The following KCNQ5 variants were observed in gnomAD, a reference collection of about 807,000 sequenced individuals.
The protein encoded by KCNQ5 is potassium voltage-gated channel subfamily Q member 5.
In KCNQ5, 30 loss-of-function variants were observed where a neutral mutation model predicts 98.2. That is an observed-to-expected ratio of 0.31 (90% CI 0.23 to 0.41). The LOEUF (loss-of-function observed/expected upper bound fraction) is 0.41, where lower values mean the gene tolerates loss of function less well. Ranked by LOEUF, KCNQ5 falls within the 10% of genes least tolerant of loss-of-function variation. KCNQ5 has a pLI of 1.00. For synonymous variants in KCNQ5, 458 were observed against 449.4 expected, an observed-to-expected ratio of 1.02 and a Z score of -0.24; for missense variants, 835 against 1,182.5, an observed-to-expected ratio of 0.71 and a Z score of 4.31.
At chr6:73,074,661 C>T (rs184833684) in intron 3 of KCNQ5, among the ~76,000 whole-genome samples, 1 of 151,462 alleles carries the variant, frequency 6.6e-6, no homozygotes, top group East Asian at 1.9e-4. Flanking sequence ...ACAATATATG[C>T]TTTTTCTGCC....
chr6:72,936,381 A>G (rs1372205232), intron 1 of KCNQ5, among the ~76,000 whole-genome samples: 1 of 152,190 alleles, frequency 6.6e-6, no homozygotes, highest in East Asian at 1.9e-4. Context: ...AGCTCATCTG[A>G]CTTATTCTGG....
rs16882882 is a variant in KCNQ5, at chr6:72,782,829, C to T, written c.398+160242C>T. 2.5e-3 allele frequency among the ~76,000 whole-genome samples: 380 copies of T among 152,220 alleles called. 14 individuals carry two copies. The East Asian group carries it at 0.068, about 27-fold the overall frequency. On this transcript the variant is annotated intron_variant, in intron 1 of 13. Coordinates refer to ENST00000370398, the MANE Select transcript of KCNQ5 (RefSeq NM_019842.4). Reference sequence around the variant, plus strand: ...TCTAGACTCGTAGGCTCTTACGTGCCTTATCACTGCATTATCTACAGAGCC... The same window carrying T: ...TCTAGACTCGTAGGCTCTTACGTGCTTTATCACTGCATTATCTACAGAGCC...
chr6:72,728,092 G>A (rs567225288), intron 1 of KCNQ5, among the ~76,000 whole-genome samples: 1 of 152,234 alleles, frequency 6.6e-6, no homozygotes, highest in East Asian at 1.9e-4. Context: ...TAACAGTGAG[G>A]AAGGAAAATA....
rs553371710 is a variant in KCNQ5 at position 72,875,109 on chromosome 6, T to C, written c.399-128799T>C. On this transcript the variant is annotated intron_variant, in intron 1 of 13. Transcript: ENST00000370398. ...CAGCCTGAAGGCATTTAAAACCTTG[T>C]TTTATGCATAAAGTGATGATTAAAG... Among the ~76,000 whole-genome samples, 7 of 152,290 alleles carry C rather than the reference T, an allele frequency of 4.6e-5. No homozygotes were observed. The East Asian group carries it at 1.4e-3, about 29-fold the overall frequency.
chr6:72,970,250 C>T (rs987438156), intron 1 of KCNQ5, among the ~76,000 whole-genome samples: 1 of 151,764 alleles, frequency 6.6e-6, no homozygotes, highest in African/African-American at 2.4e-5. Context: ...CAGAGCAAGA[C>T]CCCATCTCTA....
At chr6:72,855,672 C>T (rs186923172) in intron 1 of KCNQ5, among the ~76,000 whole-genome samples, 201 of 152,234 alleles carry the variant, frequency 1.3e-3, no homozygotes, top group African/African-American at 4.5e-3. Context: ...GGAGAAAGCA[C>T]TATTATGGAA....
At chr6:72,875,421 T>C (rs1333996354) in intron 1 of KCNQ5, among the ~76,000 whole-genome samples, 3 of 152,346 alleles carry the variant, frequency 2.0e-5, no homozygotes, top group Admixed American at 1.3e-4. Context: ...CAGACTCTAA[T>C]TGTTTATTTC....
chr6:72,811,500 G>A (rs1396272030), intron 1 of KCNQ5, among the ~76,000 whole-genome samples: 2 of 152,034 alleles, frequency 1.3e-5, no homozygotes, highest in African/African-American at 2.4e-5. Flanking sequence ...ATATACGCAA[G>A]CATCTCTTTC....
chr6:73,167,789 GC>G (rs1264895297), intron 10 of KCNQ5, among the ~76,000 whole-genome samples: 3 of 152,194 alleles, frequency 2.0e-5, no homozygotes, highest in Admixed American at 2.0e-4. Flanking sequence ...AGAGACAAAT[GC>G]TATGTCCTCA....
intron 3 of KCNQ5, among the ~76,000 whole-genome samples, chr6:73,064,011 G>A (rs561494737): frequency 5.3e-5 from 8 of 152,206 alleles, no homozygotes; most frequent in Admixed American, 3.9e-4. Context: ...AGAGCCAGGT[G>A]AACCAGGTAA....
rs1776330794 is a variant in KCNQ5 at position 73,133,594 on chromosome 6, G to A, written c.1421G>A (p.Arg474Gln). ...AGCTTCAACGACCGAACCCGCTTCC[G>A]GCCCTCGCTGCGCCTCAAAAGTTCT... ...SWSFNDRTRF[R>Q]PSLRLKSSQP... The change falls in exon 10 of 14, where the codon CGG becomes CAG. Residue 474 changes from arginine (R) to glutamine (Q), a missense_variant. Arg to Gln is a conservative substitution (Grantham distance 43). Coordinates refer to ENST00000370398, the MANE Select transcript of KCNQ5 (RefSeq NM_019842.4). 3.1e-6 allele frequency: 5 copies of A among 1,614,060 alleles called. No homozygotes were observed. The highest frequency in any genetic ancestry group is 1.7e-5 in the Admixed American group (1 of 60,002).
Position 73,077,344 on chromosome 6 carries a change from A to G in KCNQ5, c.639A>G (p.Ser213=). The change falls in exon 4 of 14, where the codon TCA becomes TCG. Residue 213 remains serine, a synonymous_variant. Coordinates refer to ENST00000370398, the MANE Select transcript of KCNQ5 (RefSeq NM_019842.4). The part of the protein sequence containing the change: ...CVIDTIVLIA[S]IAVVSAKTQG... ...CAGATACCATTGTTCTTATCGCTTC[A>G]ATAGCAGTTGTTTCTGCAAAAACTC... 6.2e-7 allele frequency: 1 copy of G among 1,614,144 alleles called. No homozygotes were observed. The highest frequency in any genetic ancestry group is 8.5e-7 in the Non-Finnish European group (1 of 1,179,992).
intron 1 of KCNQ5, among the ~76,000 whole-genome samples, chr6:72,852,120 A>G (rs1298497835): frequency 6.6e-6 from 1 of 152,162 alleles, no homozygotes. Flanking sequence ...CTCTTTAGCA[A>G]TATTAAAGAG....
Position 72,906,028 on chromosome 6 carries a change from C to G in KCNQ5, c.399-97880C>G, listed in dbSNP as rs80228830. Among the ~76,000 whole-genome samples the G allele has an allele frequency of 2.0e-5, 3 of 151,716 alleles. No individual in the cohort carries two copies. In the East Asian group the frequency reaches 5.8e-4, roughly 30 times the overall value. Reference sequence around the variant, plus strand: ...GAAAGACCATCAGGTGGGGGCAGGGCTAAGCATGTCTGAGTTCAGACTCTC... The same window carrying G: ...GAAAGACCATCAGGTGGGGGCAGGGGTAAGCATGTCTGAGTTCAGACTCTC... On this transcript the variant is annotated intron_variant, in intron 1 of 13. Transcript: ENST00000370398.
chr6:72,739,905 C>T (rs1771043283), intron 1 of KCNQ5, among the ~76,000 whole-genome samples: 1 of 152,144 alleles, frequency 6.6e-6, no homozygotes, highest in Admixed American at 6.5e-5. Context: ...AATTATCTAT[C>T]TCTGGGTAAC....
chr6:73,011,601 A>C (rs1770064837), intron 2 of KCNQ5, among the ~76,000 whole-genome samples: 2 of 152,160 alleles, frequency 1.3e-5, no homozygotes, highest in Non-Finnish European at 2.9e-5. Flanking sequence ...TAGGCAACAA[A>C]AGAAAAAAAC....
intron 2 of KCNQ5, among the ~76,000 whole-genome samples, chr6:73,021,291 A>G (rs538508785): frequency 6.6e-6 from 1 of 152,338 alleles, no homozygotes; most frequent in Non-Finnish European, 1.5e-5. Flanking sequence ...ATATAAGAAT[A>G]GGAACTATTT....
chr6:73,060,239 A>G (rs951635940), intron 3 of KCNQ5, among the ~76,000 whole-genome samples: 3 of 152,156 alleles, frequency 2.0e-5, no homozygotes, highest in African/African-American at 7.2e-5. Context: ...ATCTTCCACC[A>G]TAACCAACAA....
intron 1 of KCNQ5, among the ~76,000 whole-genome samples, chr6:72,689,925 G>C (rs1768130291): frequency 6.6e-6 from 1 of 152,046 alleles, no homozygotes; most frequent in African/African-American, 2.4e-5. Context: ...TACTTAAAGA[G>C]TACAAGATTG....
Sources: allele counts gnomAD v4.1 joint callset (sites outside exome capture counted in the v4.1 genomes callset), GRCh38; gene constraint gnomAD v4.1.1; transcripts MANE v1.5; gene names NCBI Gene and HGNC (gene_info 2026-07-23, HGNC 2026-07-21).